MED14: variants seen among roughly 807,000 people sequenced by gnomAD.
MED14 encodes the protein mediator complex subunit 14.
A neutral mutation model predicts 109.0 loss-of-function variants in MED14; 8 were observed. The observed-to-expected ratio is 0.07, with a 90% CI of 0.04 to 0.13. MED14 has a LOEUF of 0.13. Ranked by LOEUF, MED14 falls within the 10% of genes least tolerant of loss-of-function variation. MED14 has a pLI of 1.00. For synonymous variants in MED14, 399 were observed against 408.7 expected (o/e 0.98, Z 0.29); for missense variants, 711 against 1,142.4 (o/e 0.62, Z 5.44).
chrX:40,703,648 A>G (rs1312973097), intron 10 of MED14, 79 bp from the exon 11 acceptor site: 1 of 808,187 alleles, frequency 1.2e-6, no homozygotes, highest in African/African-American at 2.1e-5. Context: ...ATGAGTACAA[A>G]CAAACCAACT....
Position 40,649,497 on chromosome X carries a change from C to A in MED14, c.*2309G>T, listed in dbSNP as rs1213257687. 6 of 534,713 alleles carry A rather than the reference C, an allele frequency of 1.1e-5. No individual in the cohort carries two copies. The highest frequency in any genetic ancestry group is 2.6e-5 in the African/African-American group (1 of 37,845). 44.1% of individuals were successfully genotyped at this position (534,713 alleles called of 1,213,427 possible). A position where few individuals can be genotyped will look rare whatever the true frequency, so the allele number is the denominator to read the frequency against. On this transcript the variant is annotated 3_prime_UTR_variant, in exon 31 of 31. Transcript: ENST00000324817. ...AAGGTTAAATTAATACTAAACCAGA[C>A]TATTAATGAAAACATCTTCATCAAA...
At chrX:40,681,999 A>G (rs1453656445) in intron 18 of MED14, 56 bp from the exon 19 acceptor site, 5 of 582,101 alleles carry the variant, frequency 8.6e-6, no homozygotes, top group Non-Finnish European at 1.3e-5. Context: ...ATTTTAAAAT[A>G]TAAATTTGAG....
chrX:40,677,717 T>C (rs951266510), intron 21 of MED14, among the ~76,000 whole-genome samples: 7 of 111,423 alleles, frequency 6.3e-5, no homozygotes, highest in African/African-American at 2.3e-4. Context: ...AAGTCCACAA[T>C]GCCTAGCATC....
At chrX:40,731,140 CA>C (rs34609114) in intron 1 of MED14, among the ~76,000 whole-genome samples, 153 of 92,654 alleles carry the variant, frequency 1.7e-3, no homozygotes, top group Middle Eastern at 5.8e-3. Context: ...GACCCTGTCT[CA>C]AAAAAAAAAA....
chrX:40,725,403 G>A (rs766440812), intron 3 of MED14, among the ~76,000 whole-genome samples: 18 of 111,665 alleles, frequency 1.6e-4, no homozygotes, highest in African/African-American at 4.6e-4. Context: ...CAATACATCT[G>A]ATGAATATTA....
chrX:40,727,335 G>T (rs1931926713), intron 2 of MED14, among the ~76,000 whole-genome samples: 1 of 111,590 alleles, frequency 9.0e-6, no homozygotes, highest in African/African-American at 3.3e-5. Flanking sequence ...AAGGGCACCA[G>T]TTCCCATCCT....
chrX:40,691,556 G>A (rs1241438787), intron 15 of MED14, among the ~76,000 whole-genome samples: 1 of 106,597 alleles, frequency 9.4e-6, no homozygotes, highest in East Asian at 3.0e-4. Flanking sequence ...CAAAGTGCTG[G>A]GATTACAGGC....
chrX:40,654,608 T>C (rs1928990825), intron 29 of MED14, 52 bp from the exon 30 acceptor site: 1 of 1,104,325 alleles, frequency 9.1e-7, no homozygotes, highest in Non-Finnish European at 1.2e-6. Context: ...AAAACATCTG[T>C]CTAAATGTAT....
intron 3 of MED14, among the ~76,000 whole-genome samples, chrX:40,724,348 T>C (rs1931829871): frequency 8.9e-6 from 1 of 112,313 alleles, no homozygotes; most frequent in African/African-American, 3.2e-5. Context: ...TAATAGATAT[T>C]TATGGAACAT....
Position 40,651,809 on chromosome X carries a change from T to G in MED14, c.4362A>C (p.Pro1454=). ...CCTGGTTTAAAAACAATAGTGTCTA[T>G]GGACGCCCACCAGGGGGCAGTGTAA... is the stretch of plus-strand genomic sequence containing the variant. ...ANLTLPPGGR[P] The change falls in exon 31 of 31, where the codon CCA becomes CCC. Residue 1454 remains proline, a synonymous_variant. Coordinates refer to ENST00000324817, the MANE Select transcript of MED14 (RefSeq NM_004229.4). 1 of 1,193,594 alleles carries G rather than the reference T, an allele frequency of 8.4e-7. No homozygotes were observed. The highest frequency in any genetic ancestry group is 1.9e-5 in the South Asian group (1 of 53,105).
rs769542075 is a variant in MED14, at chrX:40,732,027, GA to G, written c.216-2683del. On this transcript the variant is annotated intron_variant, in intron 1 of 30. Coordinates refer to ENST00000324817, the MANE Select transcript of MED14 (RefSeq NM_004229.4). ...GTCAGGTGGCAATAAGTGCTGTAAA[GA>G]AAAATAAAGCAGCAAGTAAGAAGGA... Among the ~76,000 whole-genome samples, 4 of 112,545 alleles carry G rather than the reference GA, an allele frequency of 3.6e-5. No individual in the cohort carries two copies. The East Asian group carries it at 1.1e-3, about 31-fold the overall frequency.
At chrX:40,736,153 C>G (rs1016837920), upstream of MED14, among the ~76,000 whole-genome samples, 5 of 111,480 alleles carry the variant, frequency 4.5e-5, no homozygotes, top group Non-Finnish European at 9.4e-5. Context: ...GATTCTCAGG[C>G]CTTTGCTCCT....
At chrX:40,653,558 CAG>C (rs67551923) in intron 30 of MED14, among the ~76,000 whole-genome samples, 2 of 111,874 alleles carry the variant, frequency 1.8e-5, no homozygotes, top group Non-Finnish European at 3.8e-5. Flanking sequence ...CTATTCTAAA[CAG>C]AGAGAGATAC....
intron 30 of MED14, among the ~76,000 whole-genome samples, chrX:40,653,459 C>A (rs779689317): frequency 8.9e-6 from 1 of 111,904 alleles, no homozygotes; most frequent in Non-Finnish European, 1.9e-5. Flanking sequence ...TCTCCTGATT[C>A]CTAGTTCTAG....
At chrX:40,712,582 T>A (rs926976832) in intron 6 of MED14, among the ~76,000 whole-genome samples, 1 of 111,418 alleles carries the variant, frequency 9.0e-6, no homozygotes, top group Non-Finnish European at 1.9e-5. Context: ...CAGGCTAGAG[T>A]GCAGTGGCAT....
intron 26 of MED14, among the ~76,000 whole-genome samples, chrX:40,661,802 C>G (rs1249867041): frequency 9.0e-6 from 1 of 111,225 alleles, no homozygotes; most frequent in African/African-American, 3.3e-5. Flanking sequence ...TTAGAAGTCT[C>G]TTTTCTTCTT....
At chrX:40,719,803 T>C (rs1931652792) in intron 3 of MED14, among the ~76,000 whole-genome samples, 1 of 112,172 alleles carries the variant, frequency 8.9e-6, no homozygotes, top group Non-Finnish European at 1.9e-5. Flanking sequence ...ATGTAAATTA[T>C]ATCTCAGTAA....
chrX:40,688,512 G>C lies in MED14; in HGVS notation c.1999C>G (p.Pro667Ala), dbSNP rs771045666. The change falls in exon 16 of 31, where the codon CCA becomes GCA. Residue 667 changes from proline to alanine, a missense_variant. This residue lies in a region of MED14 where 388 missense variants were observed against 517.3 expected (regional missense o/e 0.75). Transcript: ENST00000324817. ...LRLELSNLEI[P>A]HQGVQVEGDG... ...CCTTCCACTTGCACTCCTTGATGTG[G>C]AATCTCCAGATTGGACAACTAGAAA... is the stretch of plus-strand genomic sequence containing the variant. The C allele has an allele frequency of 1.7e-6, 2 of 1,201,645 alleles. No homozygotes were observed. Among genetic ancestry groups the C allele is most frequent in the Admixed American group, 2.2e-5 (1 of 46,061 alleles).
At chrX:40,719,683 T>C (rs1931649468) in intron 3 of MED14, among the ~76,000 whole-genome samples, 1 of 111,984 alleles carries the variant, frequency 8.9e-6, no homozygotes. Flanking sequence ...CAGGTTTTCT[T>C]TCTGAGGTGA....
Sources: allele counts gnomAD v4.1 joint callset (sites outside exome capture counted in the v4.1 genomes callset), GRCh38; gene constraint gnomAD v4.1.1; regional missense constraint gnomAD v4.1.1; transcripts MANE v1.5; gene names NCBI Gene and HGNC (gene_info 2026-07-23, HGNC 2026-07-21).